Variants in TANC2 observed in about 807,000 individuals in gnomAD.
The protein encoded by TANC2 is tetratricopeptide repeat, ankyrin repeat and coiled-coil containing 2, also known as protein TANC2.
In TANC2, 26 loss-of-function variants were observed where a neutral mutation model predicts 210.5. The ratio of observed to expected loss-of-function variants is 0.12; its 90% CI spans 0.09 to 0.17. The LOEUF is 0.17. TANC2 is among the 10% of genes least tolerant of loss of function. The probability of loss-of-function intolerance (pLI) is 1.00; values close to 1 mark genes in which losing one functional copy is unlikely to be tolerated. For synonymous variants in TANC2, 931 were observed against 967.1 expected (o/e 0.96, Z 0.69); for missense variants, 2,129 against 2,608.9 (o/e 0.82, Z 4.01).
intron 5 of TANC2, chr17:63,154,660 C>T (rs966537993): frequency 4.6e-5 from 7 of 152,046 alleles, no homozygotes; most frequent in African/African-American, 1.7e-4. Context: ...GGCTCATAGT[C>T]AGTGCTCATA....
At chr17:63,026,194 G>A (rs943622685) in intron 2 of TANC2, among the ~76,000 whole-genome samples, 13 of 151,846 alleles carry the variant, frequency 8.6e-5, no homozygotes, top group African/African-American at 3.1e-4. Flanking sequence ...TCTCTGTAGC[G>A]ATTATCATTA....
intron 9 of TANC2, among the ~76,000 whole-genome samples, chr17:63,291,202 TGTTTATGACAGTAGCCTTTAAACAGG>T (rs1213189513): frequency 6.6e-6 from 1 of 152,220 alleles, no homozygotes; most frequent in African/African-American, 2.4e-5. Flanking sequence ...ATAGTCTTCT[TGTTTATGACAGTAGCCTTTAAACAGG>T]GAATGTGTTC....
intron 5 of TANC2, chr17:63,152,639 G>A (rs968331320): frequency 1.3e-5 from 2 of 152,086 alleles, no homozygotes; most frequent in Non-Finnish European, 2.9e-5. Context: ...GTATTGTCAC[G>A]CTTCTTGGGC....
chr17:63,169,980 G>A (rs1398897496), intron 5 of TANC2, among the ~76,000 whole-genome samples: 11 of 149,396 alleles, frequency 7.4e-5, no homozygotes, highest in South Asian at 2.1e-4. Flanking sequence ...TTAGCCAGGC[G>A]CGGTGGCAGG....
intron 12 of TANC2, among the ~76,000 whole-genome samples, chr17:63,347,903 C>A (rs1333837901): frequency 6.6e-6 from 1 of 152,116 alleles, no homozygotes; most frequent in African/African-American, 2.4e-5. Context: ...GTAACTAGGA[C>A]TACAGAAGCG....
chr17:63,384,765 T>C (rs1598996088), intron 15 of TANC2, among the ~76,000 whole-genome samples: 1 of 151,886 alleles, frequency 6.6e-6, no homozygotes, highest in South Asian at 2.1e-4. Context: ...GTCTTAGGAG[T>C]AGAAGAAATT....
intron 11 of TANC2, among the ~76,000 whole-genome samples, chr17:63,337,801 G>T (rs1393438874): frequency 2.0e-5 from 3 of 152,020 alleles, no homozygotes; most frequent in Admixed American, 2.0e-4. Context: ...GGCCCCAGTT[G>T]TTGTTTCCCT....
At chr17:63,341,612 G>C (rs555633174) in intron 12 of TANC2, among the ~76,000 whole-genome samples, 1 of 152,220 alleles carries the variant, frequency 6.6e-6, no homozygotes, top group Non-Finnish European at 1.5e-5. Context: ...CTGGCCCTGA[G>C]GAGACAGCTC....
At chr17:63,331,282 T>C (rs1431902071) in intron 11 of TANC2, among the ~76,000 whole-genome samples, 1 of 152,246 alleles carries the variant, frequency 6.6e-6, no homozygotes, top group African/African-American at 2.4e-5. Context: ...ATACCTTCAT[T>C]CATAAGTTTT....
chr17:63,256,884 TA>T (rs1425411879), intron 8 of TANC2, among the ~76,000 whole-genome samples: 1 of 152,242 alleles, frequency 6.6e-6, no homozygotes, highest in African/African-American at 2.4e-5. Context: ...TCTCTTTTTA[TA>T]ATTTTTGTCT....
chr17:63,286,962 CTT>C (rs2044241032), intron 9 of TANC2, among the ~76,000 whole-genome samples: 1 of 152,080 alleles, frequency 6.6e-6, no homozygotes. Context: ...TCTCTGTACT[CTT>C]TGTTATACAC....
chr17:63,180,574 T>C (rs1372197159), intron 5 of TANC2, among the ~76,000 whole-genome samples: 1 of 152,180 alleles, frequency 6.6e-6, no homozygotes, highest in Non-Finnish European at 1.5e-5. Flanking sequence ...TTTTGCCTCA[T>C]CCTCCTCCAA....
At chr17:63,259,369 A>G (rs1373172235) in intron 8 of TANC2, among the ~76,000 whole-genome samples, 1 of 152,094 alleles carries the variant, frequency 6.6e-6, no homozygotes, top group Admixed American at 6.5e-5. Context: ...AAGTTTTAAT[A>G]TGATGTTAAA....
intron 8 of TANC2, among the ~76,000 whole-genome samples, chr17:63,244,445 T>C (rs2042861180): frequency 6.6e-6 from 1 of 152,240 alleles, no homozygotes; most frequent in Non-Finnish European, 1.5e-5. Flanking sequence ...ATTTCTCTTT[T>C]CTGCAGCTGA....
chr17:62,997,507 G>A (rs1272259965), intron 1 of TANC2, among the ~76,000 whole-genome samples: 4 of 152,074 alleles, frequency 2.6e-5, no homozygotes, highest in African/African-American at 9.7e-5. Context: ...GAACAGATTT[G>A]TATTCAAAAG....
At chr17:63,262,558 A>G (rs915670087) in intron 8 of TANC2, among the ~76,000 whole-genome samples, 3 of 151,554 alleles carry the variant, frequency 2.0e-5, no homozygotes, top group African/African-American at 7.3e-5. Context: ...GACCACATCT[A>G]GTCAGGGTTC....
chr17:63,352,635 A>G (rs2046648839), intron 13 of TANC2, among the ~76,000 whole-genome samples: 1 of 152,166 alleles, frequency 6.6e-6, no homozygotes. Context: ...TGCAGTCTCA[A>G]AAGAAATTGT....
chr17:63,353,072 ATCTG>A (rs1285445550), intron 13 of TANC2, among the ~76,000 whole-genome samples: 2 of 152,162 alleles, frequency 1.3e-5, no homozygotes, highest in Admixed American at 1.3e-4. Context: ...ATGAGATCTG[ATCTG>A]TCTTTTTTAA....
At chr17:63,007,516 T>A (rs2033674695) in intron 1 of TANC2, among the ~76,000 whole-genome samples, 1 of 152,202 alleles carries the variant, frequency 6.6e-6, no homozygotes, top group African/African-American at 2.4e-5. Context: ...TCCACAGATC[T>A]ATGCTGCTTT....
Sources: gnomAD v4.1 joint callset for allele counts (sites outside exome capture counted in the v4.1 genomes callset) on GRCh38, gnomAD v4.1.1 for gene constraint, MANE v1.5 for transcripts, NCBI Gene and HGNC (gene_info 2026-07-23, HGNC 2026-07-21) for gene names.